The following PIK3C2B variants were observed in gnomAD, a reference collection of about 807,000 sequenced individuals.
PIK3C2B encodes the protein phosphatidylinositol 4-phosphate 3-kinase C2 domain-containing subunit beta.
A neutral mutation model predicts 184.3 loss-of-function variants in PIK3C2B; 83 were observed. The ratio of observed to expected loss-of-function variants is 0.45; its 90% CI spans 0.38 to 0.54. PIK3C2B has a LOEUF of 0.54. Among genes scored for constraint, PIK3C2B ranks in the 20% least tolerant of loss-of-function variants. The probability of loss-of-function intolerance (pLI) is 0.00; values close to 1 mark genes in which losing one functional copy is unlikely to be tolerated. For synonymous variants in PIK3C2B, 779 were observed against 837.6 expected (o/e 0.93, Z 1.21); for missense variants, 1,736 against 2,113.5 (o/e 0.82, Z 3.50).
At chr1:204,429,798 C>T in intron 29 of PIK3C2B, 123 bp downstream of exon 29, 1 of 690,982 alleles carries the variant, frequency 1.4e-6, no homozygotes, top group Non-Finnish European at 2.6e-6. Context: ...GGTCATTCAG[C>T]CCACAGACCC....
intron 3 of PIK3C2B, 51 bp downstream of exon 3, chr1:204,465,168 T>G: frequency 8.2e-6 from 5 of 609,990 alleles, no homozygotes; most frequent in Non-Finnish European, 1.6e-5. Context: ...ATGGCCCCCC[T>G]CCCCATCCCC....
chr1:204,480,642 G>A (rs1409347005), intron 1 of PIK3C2B, among the ~76,000 whole-genome samples: 2 of 152,044 alleles, frequency 1.3e-5, no homozygotes, highest in African/African-American at 4.8e-5. Context: ...GTGACTGCCT[G>A]TAAGCCTGGG....
At position 204,468,903 on chromosome 1, in the gene PIK3C2B, C is replaced by T. The variant is rs972381445; in HGVS notation, c.900G>A (p.Thr300=). The T allele has an allele frequency of 1.4e-5, 22 of 1,598,022 alleles. No individual in the cohort carries two copies. In the Middle Eastern group the frequency reaches 6.7e-4, roughly 48 times the overall value. Residue 300 remains threonine (T), a synonymous_variant, in exon 2 of 33, where the codon ACG becomes ACA. Coordinates refer to ENST00000684373, the MANE Select transcript of PIK3C2B (RefSeq NM_001377334.1). The stretch of plus-strand genomic sequence containing the variant: ...CAGAAATCCGGCGGTTCTTGCCAGG[C>T]GTCGCATTCTTTCGGTTGCCATAGC... The part of the protein sequence containing the change: ...ASRYGNRKNA[T]PGKNRRISAA...
intron 1 of PIK3C2B, chr1:204,490,121 T>C (rs756061692): frequency 2.5e-6 from 1 of 394,278 alleles, no homozygotes; most frequent in Non-Finnish European, 4.5e-6. Context: ...AGGATAACAG[T>C]TTCCAAAGAG....
intron 1 of PIK3C2B, among the ~76,000 whole-genome samples, chr1:204,488,629 T>A (rs868331608): frequency 6.6e-6 from 1 of 152,186 alleles, no homozygotes; most frequent in African/African-American, 2.4e-5. Context: ...GCCCAAAAGA[T>A]AAAATGCAAA....
chr1:204,443,517 C>T lies in PIK3C2B; in HGVS notation c.2948G>A (p.Gly983Asp). 6.2e-7 allele frequency: 1 copy of T among 1,614,246 alleles called. No individual in the cohort carries two copies. The highest frequency in any genetic ancestry group is 8.5e-7 in the Non-Finnish European group (1 of 1,180,042). ...GTTAAACTCTTCTCTCAGCCCCTTG[C>T]CACAGCAGCACAGTAAGGCTGCCAG... Reference protein sequence around the residue: ...YLLAALLCCCGKGLREEFNRQ... With the variant: ...YLLAALLCCCDKGLREEFNRQ... The change falls in exon 19 of 33, where the codon GGC becomes GAC. Residue 983 changes from glycine to aspartate, a missense_variant. Physicochemically the swap from Gly to Asp is moderately conservative, Grantham distance 94. Transcript: ENST00000684373.
intron 29 of PIK3C2B, among the ~76,000 whole-genome samples, chr1:204,429,085 G>A (rs747470210): frequency 1.6e-4 from 25 of 151,992 alleles, no homozygotes; most frequent in African/African-American, 4.3e-4. Flanking sequence ...AAAATTAGCC[G>A]GGTGTGGTGG....
At chr1:204,485,241 GA>G (rs1449209793) in intron 1 of PIK3C2B, among the ~76,000 whole-genome samples, 1 of 151,816 alleles carries the variant, frequency 6.6e-6, no homozygotes, top group Non-Finnish European at 1.5e-5. Flanking sequence ...AATCCTTCAG[GA>G]AAGGAAATCC....
chr1:204,461,776 T>A (rs1655355074), intron 5 of PIK3C2B, among the ~76,000 whole-genome samples: 3 of 150,882 alleles, frequency 2.0e-5, no homozygotes, highest in Admixed American at 1.3e-4. Flanking sequence ...GAAGGAAGAG[T>A]GTGGTGGGGC....
In PIK3C2B at chr1:204,443,569, G is replaced by A; in HGVS notation, c.2896C>T (p.Gln966Ter). The change falls in exon 19 of 33, where the codon CAG becomes TAG. Residue 966 changes from glutamine (Q) to a stop codon, truncating the protein, a stop_gained. Coordinates refer to ENST00000684373, the MANE Select transcript of PIK3C2B (RefSeq NM_001377334.1). LOFTEE classifies it high-confidence loss of function. ...WLLKDGLKDS[Q>*]FSIRYQYLLA... ...AGATACTGGTAGCGGATGCTGAACT[G>A]AGAGTCCTTGAGGCCGTCCTTCAGT... is the stretch of plus-strand genomic sequence containing the variant. 1 of 1,614,234 alleles carries A rather than the reference G, an allele frequency of 6.2e-7. No individual in the cohort carries two copies. Among genetic ancestry groups the A allele is most frequent in the Non-Finnish European group, 8.5e-7 (1 of 1,180,032 alleles).
rs1470045417 is a variant in PIK3C2B at position 204,457,833 on chromosome 1, G to A, written c.1608C>T (p.Val536=). The change falls in exon 9 of 33, where the codon GTC becomes GTT. Residue 536 remains valine, a synonymous_variant. Coordinates refer to ENST00000684373, the MANE Select transcript of PIK3C2B (RefSeq NM_001377334.1). The part of the protein sequence containing the change: ...PLKADRVVQS[V]KAICNALAAV... ...CGGCCAGGGCGTTGCAGATGGCCTT[G>A]ACGGACTGGACCACCCTGTCAGCCT... is the stretch of plus-strand genomic sequence containing the variant. 6.2e-7 allele frequency: 1 copy of A among 1,613,444 alleles called. No individual in the cohort carries two copies. Among genetic ancestry groups the A allele is most frequent in the Non-Finnish European group, 8.5e-7 (1 of 1,179,764 alleles).
intron 29 of PIK3C2B, 38 bp downstream of exon 29, chr1:204,429,883 C>T (rs1674945561): frequency 1.5e-6 from 2 of 1,355,350 alleles, no homozygotes; most frequent in African/African-American, 1.4e-5. Context: ...CCATCCCCAC[C>T]AGCCTGGACA....
Position 204,469,843 on chromosome 1 carries a change from T to C in PIK3C2B, c.-41A>G. 7.1e-7 allele frequency: 1 copy of C among 1,409,836 alleles called. No individual in the cohort carries two copies. The highest frequency in any genetic ancestry group is 1.0e-6 in the Non-Finnish European group (1 of 995,942). 87.3% of individuals were successfully genotyped at this position (1,409,836 alleles called of 1,614,324 possible). On this transcript the variant is annotated 5_prime_UTR_variant, in exon 2 of 33. Coordinates refer to ENST00000684373, the MANE Select transcript of PIK3C2B (RefSeq NM_001377334.1). Reference sequence around the variant, plus strand: ...CACAGGCAACAAAGTCTCTACTTCCTGCCAACGTCAGTTCTGGAGGGTTGT... The same window carrying C: ...CACAGGCAACAAAGTCTCTACTTCCCGCCAACGTCAGTTCTGGAGGGTTGT...
intron 29 of PIK3C2B, among the ~76,000 whole-genome samples, chr1:204,429,479 T>C (rs964778411): frequency 2.0e-5 from 3 of 151,978 alleles, no homozygotes; most frequent in African/African-American, 7.3e-5. Context: ...TATGGACAAA[T>C]AGGAAGGGAA....
chr1:204,459,356 C>T (rs775259512), intron 8 of PIK3C2B, among the ~76,000 whole-genome samples: 7 of 152,188 alleles, frequency 4.6e-5, no homozygotes, highest in African/African-American at 7.2e-5. Flanking sequence ...TTTTCTTTGG[C>T]GTTGTGACAT....
rs1185950760 is a variant in PIK3C2B at position 204,463,895 on chromosome 1, G to A, written c.1310+117C>T. 4 of 1,046,764 alleles carry A rather than the reference G, an allele frequency of 3.8e-6. 1 individual carries two copies. The highest frequency in any genetic ancestry group is 2.2e-5 in the Admixed American group (1 of 46,060). The allele number at this position is 1,046,764 out of a possible 1,614,324, so 64.8% of individuals were successfully genotyped here. On this transcript the variant is annotated intron_variant, in intron 5 of 32. Transcript: ENST00000684373. The stretch of plus-strand genomic sequence containing the variant: ...CCGAGAGTGTGCCCAGAAAGCAGGA[G>A]TCTTGACTGTGGGATTGGGGCGGAG...
chr1:204,490,744 T>C (rs564845493), intron 1 of PIK3C2B, among the ~76,000 whole-genome samples: 1 of 149,906 alleles, frequency 6.7e-6, no homozygotes, highest in African/African-American at 2.5e-5. Context: ...GGCAACATAG[T>C]GAAATCCTGT....
intron 20 of PIK3C2B, among the ~76,000 whole-genome samples, chr1:204,441,803 A>G (rs750819301): frequency 3.3e-5 from 5 of 152,168 alleles, no homozygotes; most frequent in Non-Finnish European, 7.3e-5. Flanking sequence ...CCATCCTGTT[A>G]GTTCATTCTG....
chr1:204,438,838 G>A (rs1207499969), intron 23 of PIK3C2B, 97 bp downstream of exon 23: 3 of 1,382,288 alleles, frequency 2.2e-6, no homozygotes, highest in Non-Finnish European at 1.0e-6. Context: ...AAGCTGAGCT[G>A]TCCTCTCTGA....
Sources: allele counts gnomAD v4.1 joint callset (sites outside exome capture counted in the v4.1 genomes callset), GRCh38; gene constraint gnomAD v4.1.1; transcripts MANE v1.5; gene names NCBI Gene and HGNC (gene_info 2026-07-23, HGNC 2026-07-21).